KIAA0825: variants seen among roughly 807,000 people sequenced by gnomAD.
KIAA0825 encodes uncharacterized protein KIAA0825.
Under a neutral mutation model 147.6 loss-of-function variants are expected in KIAA0825, and 119 were observed. The observed-to-expected ratio is 0.81, with a 90% confidence interval of 0.69 to 0.94. The LOEUF is 0.94. Ranked by LOEUF, KIAA0825 falls within the 40% of genes least tolerant of loss-of-function variation. The probability of loss-of-function intolerance (pLI) is 0.00; values close to 1 mark genes in which losing one functional copy is unlikely to be tolerated. For synonymous variants in KIAA0825, 470 were observed against 518.1 expected (o/e 0.91, Z 1.26); for missense variants, 1,381 against 1,472.7 (o/e 0.94, Z 1.02).
At chr5:94,542,779 C>T (rs1384079675) in intron 2 of KIAA0825, among the ~76,000 whole-genome samples, 2 of 151,926 alleles carry the variant, frequency 1.3e-5, no homozygotes, top group African/African-American at 4.8e-5. Flanking sequence ...TGCACTCCAG[C>T]CTGGGTGACG....
intron 20 of KIAA0825, among the ~76,000 whole-genome samples, chr5:94,310,688 G>A (rs1033081797): frequency 2.0e-5 from 3 of 151,610 alleles, no homozygotes; most frequent in African/African-American, 7.3e-5. Flanking sequence ...CTATCTGCAG[G>A]AATGATGTAG....
intron 20 of KIAA0825, among the ~76,000 whole-genome samples, chr5:94,290,036 T>A (rs1017628677): frequency 6.6e-6 from 1 of 151,414 alleles, no homozygotes; most frequent in Non-Finnish European, 1.5e-5. Flanking sequence ...GACTTTGCCA[T>A]TTTACTGATT....
intron 12 of KIAA0825, among the ~76,000 whole-genome samples, chr5:94,457,279 T>C (rs1232990905): frequency 3.3e-5 from 5 of 152,210 alleles, no homozygotes; most frequent in African/African-American, 1.2e-4. Flanking sequence ...GAGAGGATGC[T>C]CTAAATAATT....
At chr5:94,558,073 C>A (rs1050820921) in intron 2 of KIAA0825, among the ~76,000 whole-genome samples, 9 of 152,184 alleles carry the variant, frequency 5.9e-5, no homozygotes. Flanking sequence ...GAGCTGAACA[C>A]TAGTCACTTC....
At chr5:94,198,224 G>A (rs944567291) in intron 20 of KIAA0825, among the ~76,000 whole-genome samples, 3 of 151,832 alleles carry the variant, frequency 2.0e-5, no homozygotes, top group South Asian at 2.1e-4. Flanking sequence ...GTGGCTACTC[G>A]GAATGGGATT....
chr5:94,250,937 A>G (rs1284225310), intron 20 of KIAA0825, among the ~76,000 whole-genome samples: 1 of 152,118 alleles, frequency 6.6e-6, no homozygotes, highest in Non-Finnish European at 1.5e-5. Flanking sequence ...GCAGGTTAGG[A>G]ATCCCCGTGA....
intron 20 of KIAA0825, among the ~76,000 whole-genome samples, chr5:94,161,711 A>G (rs1345703349): frequency 1.3e-5 from 2 of 152,182 alleles, no homozygotes; most frequent in Non-Finnish European, 1.5e-5. Context: ...TTTTGTTTCA[A>G]ATATTTTATT....
intron 9 of KIAA0825, 71 bp from the exon 10 acceptor site, chr5:94,470,182 C>T (rs1761039166): frequency 1.8e-6 from 2 of 1,091,104 alleles, no homozygotes; most frequent in Admixed American, 3.0e-5. Context: ...ATCTCCAGTA[C>T]TACAAATGGT....
intron 5 of KIAA0825, among the ~76,000 whole-genome samples, chr5:94,500,743 G>A (rs149092340): frequency 1.9e-4 from 29 of 152,116 alleles, no homozygotes; most frequent in African/African-American, 5.3e-4. Context: ...AGAGATCTCC[G>A]GATACTTTAT....
At chr5:94,614,336 A>G (rs1210585127) in intron 1 of KIAA0825, among the ~76,000 whole-genome samples, 1 of 152,182 alleles carries the variant, frequency 6.6e-6, no homozygotes, top group Non-Finnish European at 1.5e-5. Flanking sequence ...GCATATTTGT[A>G]CACTCTAATG....
intron 1 of KIAA0825, among the ~76,000 whole-genome samples, chr5:94,613,678 T>C (rs1025663909): frequency 1.3e-5 from 2 of 152,338 alleles, no homozygotes; most frequent in African/African-American, 2.4e-5. Flanking sequence ...TGCAGGGCTG[T>C]TGCCATAGAG....
intron 6 of KIAA0825, among the ~76,000 whole-genome samples, chr5:94,481,359 C>G (rs1046684545): frequency 6.6e-6 from 1 of 152,064 alleles, no homozygotes; most frequent in African/African-American, 2.4e-5. Flanking sequence ...CTTTCACACC[C>G]AAATTGGTGT....
At chr5:94,514,928 T>C (rs1055703361) in intron 5 of KIAA0825, among the ~76,000 whole-genome samples, 5 of 152,188 alleles carry the variant, frequency 3.3e-5, no homozygotes, top group Non-Finnish European at 7.3e-5. Flanking sequence ...TAGAGGTGAT[T>C]CAGGTCAACC....
chr5:94,573,992 G>A (rs1780483792), intron 2 of KIAA0825, among the ~76,000 whole-genome samples: 1 of 152,114 alleles, frequency 6.6e-6, no homozygotes, highest in South Asian at 2.1e-4. Flanking sequence ...ATATTACAAG[G>A]CATTAGCTAA....
At chr5:94,263,653 CT>C (rs1776607699) in intron 20 of KIAA0825, among the ~76,000 whole-genome samples, 2 of 148,162 alleles carry the variant, frequency 1.3e-5, no homozygotes, top group African/African-American at 4.9e-5. Context: ...TTCAATGTCT[CT>C]CTCTCTCTCT....
At chr5:94,289,515 A>G (rs1314128329) in intron 20 of KIAA0825, among the ~76,000 whole-genome samples, 1 of 150,146 alleles carries the variant, frequency 6.7e-6, no homozygotes, top group African/African-American at 2.5e-5. Flanking sequence ...AGCCTGGGCA[A>G]CAGAGCAAGA....
rs140982892 is a variant in KIAA0825 at position 94,313,561 on chromosome 5, C to T, written c.3710+70807G>A. Reference sequence around the variant, plus strand: ...TGTTCTTTTTGTGTATTGATTTTTACGAAATACTTTCTCAGATGTGTCAGA... The same window carrying T: ...TGTTCTTTTTGTGTATTGATTTTTATGAAATACTTTCTCAGATGTGTCAGA... On this transcript the variant is annotated intron_variant, in intron 20 of 20. Coordinates refer to ENST00000682413, the MANE Select transcript of KIAA0825 (RefSeq NM_001145678.3). Among the ~76,000 whole-genome samples the T allele has an allele frequency of 2.6e-4, 39 of 150,354 alleles. No homozygotes were observed. In the East Asian group the frequency reaches 7.0e-3, roughly 27 times the overall value.
chr5:94,167,151 T>C (rs1476745787), intron 20 of KIAA0825, among the ~76,000 whole-genome samples: 3 of 152,120 alleles, frequency 2.0e-5, no homozygotes, highest in Non-Finnish European at 2.9e-5. Context: ...AGACCTACCC[T>C]CTTTCTGATA....
chr5:94,467,601 C>T (rs1188347981), intron 10 of KIAA0825, among the ~76,000 whole-genome samples: 1 of 152,236 alleles, frequency 6.6e-6, no homozygotes, highest in Non-Finnish European at 1.5e-5. Flanking sequence ...AACTCTGACT[C>T]TCTCAAGCTG....
Sources: gnomAD v4.1 joint callset for allele counts (sites outside exome capture counted in the v4.1 genomes callset) on GRCh38, gnomAD v4.1.1 for gene constraint, MANE v1.5 for transcripts, NCBI Gene and HGNC (gene_info 2026-07-23, HGNC 2026-07-21) for gene names.